The following KLF8 variants were observed in gnomAD, a reference collection of about 807,000 sequenced individuals.
KLF8 encodes KLF transcription factor 8, also known as Krueppel-like factor 8.
Under a neutral mutation model 18.2 loss-of-function variants are expected in KLF8, and 10 were observed. The ratio of observed to expected loss-of-function variants is 0.55; its 90% CI spans 0.34 to 0.93. KLF8 has a LOEUF of 0.93. Ranked by LOEUF, KLF8 falls within the 40% of genes least tolerant of loss-of-function variation. The pLI, the probability that KLF8 is intolerant of heterozygous loss-of-function variation, is 0.02. For synonymous variants in KLF8, 109 were observed against 97.3 expected (o/e 1.12, Z -0.71); for missense variants, 264 against 277.9 (o/e 0.95, Z 0.36).
At chrX:56,061,854 G>A in the KLF8 span, among the ~76,000 whole-genome samples, 1 of 110,529 alleles carries the variant, frequency 9.0e-6, no homozygotes, top group African/African-American at 3.3e-5. Context: ...CCTGTATTGG[G>A]TGCATATATA....
At chrX:56,179,780 T>C in the KLF8 span, among the ~76,000 whole-genome samples, 1 of 112,007 alleles carries the variant, frequency 8.9e-6, no homozygotes, top group East Asian at 2.8e-4. Context: ...TCTGTTTATA[T>C]GATGGATTAC....
chrX:56,253,764 C>CTT (rs60291877), intron 2 of KLF8, among the ~76,000 whole-genome samples: 1 of 60,111 alleles, frequency 1.7e-5, no homozygotes, highest in African/African-American at 7.2e-5. Flanking sequence ...TTTTCTTTTT[C>CTT]TTTTTTTTTT....
chrX:56,049,442 T>A, the KLF8 span, among the ~76,000 whole-genome samples: 2 of 110,646 alleles, frequency 1.8e-5, no homozygotes, highest in Non-Finnish European at 3.8e-5. Context: ...ATACGTCCCA[T>A]CAATACCTAA....
At chrX:56,073,556 G>T in the KLF8 span, among the ~76,000 whole-genome samples, 1 of 110,772 alleles carries the variant, frequency 9.0e-6, no homozygotes. Flanking sequence ...ATTCCCTTTT[G>T]AGGTACTACT....
chrX:56,185,781 A>G, the KLF8 span, among the ~76,000 whole-genome samples: 4 of 111,882 alleles, frequency 3.6e-5, no homozygotes, highest in Admixed American at 2.9e-4. Flanking sequence ...ACTAAGCTTC[A>G]TAAGTGAAGG....
the KLF8 span, among the ~76,000 whole-genome samples, chrX:56,154,999 T>C: frequency 8.9e-6 from 1 of 112,112 alleles, no homozygotes; most frequent in Non-Finnish European, 1.9e-5. Flanking sequence ...ACTTTTACAC[T>C]GTTGGTGGGA....
chrX:56,101,815 G>T, the KLF8 span, among the ~76,000 whole-genome samples: 9 of 111,408 alleles, frequency 8.1e-5, no homozygotes, highest in Non-Finnish European at 1.3e-4. Flanking sequence ...TTTACTTCTT[G>T]ATTTGCTTAG....
the KLF8 span, among the ~76,000 whole-genome samples, chrX:56,119,346 C>A: frequency 1.8e-5 from 2 of 110,932 alleles, no homozygotes; most frequent in African/African-American, 6.6e-5. Context: ...AGGAGGCATC[C>A]CAGGGGAGGC....
the KLF8 span, among the ~76,000 whole-genome samples, chrX:56,141,209 C>T: frequency 8.9e-6 from 1 of 111,887 alleles, no homozygotes; most frequent in African/African-American, 3.2e-5. Context: ...TCAAGTGATC[C>T]GCTTTCCTTG....
chrX:56,160,904 T>C, the KLF8 span, among the ~76,000 whole-genome samples: 1 of 111,481 alleles, frequency 9.0e-6, no homozygotes, highest in African/African-American at 3.3e-5. Context: ...AGGTTAGTAT[T>C]ATTATGTGTG....
chrX:56,198,132 A>G, the KLF8 span, among the ~76,000 whole-genome samples: 2 of 112,287 alleles, frequency 1.8e-5, no homozygotes, highest in East Asian at 5.6e-4. Context: ...AGCCAATATC[A>G]TACTGAATGG....
the KLF8 span, among the ~76,000 whole-genome samples, chrX:56,152,740 G>A: frequency 9.0e-6 from 1 of 111,629 alleles, no homozygotes; most frequent in Non-Finnish European, 1.9e-5. Flanking sequence ...TTACCTGCAT[G>A]TCTGCACTCC....
chrX:55,970,070 T>G, the KLF8 span, among the ~76,000 whole-genome samples: 1 of 111,016 alleles, frequency 9.0e-6, no homozygotes, highest in Non-Finnish European at 1.9e-5. Flanking sequence ...ACTTTCAAAC[T>G]CATTCTATGA....
At chrX:56,224,230 T>C in the KLF8 span, among the ~76,000 whole-genome samples, 5 of 112,008 alleles carry the variant, frequency 4.5e-5, no homozygotes, top group East Asian at 2.8e-4. Flanking sequence ...GTCTTGTTAC[T>C]AGTATTACAT....
chrX:56,010,666 G>A, the KLF8 span, among the ~76,000 whole-genome samples: 1 of 111,872 alleles, frequency 8.9e-6, no homozygotes, highest in Middle Eastern at 4.6e-3. Flanking sequence ...GCACAGAATG[G>A]GAAGGTGGAT....
chrX:56,217,375 C>A, the KLF8 span, among the ~76,000 whole-genome samples: 1 of 106,135 alleles, frequency 9.4e-6, no homozygotes, highest in African/African-American at 3.4e-5. Context: ...ATCCAGGATT[C>A]TTCCATGCCA....
At chrX:56,067,726 C>T in the KLF8 span, among the ~76,000 whole-genome samples, 2 of 111,976 alleles carry the variant, frequency 1.8e-5, no homozygotes, top group Non-Finnish European at 3.8e-5. Context: ...ATGGGAGAAT[C>T]CCCCTTCCCC....
At chrX:56,013,644 G>A in the KLF8 span, among the ~76,000 whole-genome samples, 2 of 110,539 alleles carry the variant, frequency 1.8e-5, no homozygotes, top group Non-Finnish European at 3.8e-5. Flanking sequence ...TCTTTTTTTC[G>A]TTATGATAGT....
the KLF8 span, among the ~76,000 whole-genome samples, chrX:56,117,575 A>G: frequency 1.8e-5 from 2 of 112,059 alleles, no homozygotes; most frequent in African/African-American, 3.2e-5. Context: ...TTCATTAGGA[A>G]CAGTGAAACA....
Sources: gnomAD v4.1 joint callset for allele counts (sites outside exome capture counted in the v4.1 genomes callset) on GRCh38, gnomAD v4.1.1 for gene constraint, MANE v1.5 for transcripts, NCBI Gene and HGNC (gene_info 2026-07-23, HGNC 2026-07-21) for gene names.